TULP4: variants seen among roughly 807,000 people sequenced by gnomAD.
The protein encoded by TULP4 is TUB like protein 4.
In TULP4, 16 loss-of-function variants were observed where a neutral mutation model predicts 129.0. The observed-to-expected ratio is 0.12, with a 90% CI of 0.08 to 0.19. TULP4 has a LOEUF of 0.19. Ranked by LOEUF, TULP4 falls within the 10% of genes least tolerant of loss-of-function variation. TULP4 has a pLI of 1.00. For missense variants in TULP4, 1,842 were observed against 2,059.1 expected (o/e 0.89, Z 2.04); for synonymous variants, 998 against 854.0 (o/e 1.17, Z -2.94).
intron 1 of TULP4, among the ~76,000 whole-genome samples, chr6:158,316,781 C>G (rs535172720): frequency 6.6e-6 from 1 of 152,184 alleles, no homozygotes; most frequent in Admixed American, 6.5e-5. Context: ...CTGCTAGCTC[C>G]TCTGAGGCTC....
chr6:158,271,227 A>C (rs9355614), intron 1 of TULP4, among the ~76,000 whole-genome samples: 49,623 of 150,112 alleles, frequency 0.33, 9,115 homozygotes, highest in East Asian at 0.45. Flanking sequence ...TGCTCTGTTG[A>C]GTTTTGTTTC....
chr6:158,420,732 C>T (rs932328665), intron 2 of TULP4, among the ~76,000 whole-genome samples: 1 of 152,096 alleles, frequency 6.6e-6, no homozygotes, highest in Non-Finnish European at 1.5e-5. Context: ...GATCCACCTT[C>T]CACATCCTCC....
At chr6:158,279,928 G>A (rs1224360376), upstream of TULP4, among the ~76,000 whole-genome samples, 1 of 152,222 alleles carries the variant, frequency 6.6e-6, no homozygotes, top group African/African-American at 2.4e-5. Context: ...CAGTTGTGAA[G>A]TGAGGTGATG....
Position 158,493,155 on chromosome 6 carries a change from A to ATGGATCGC in TULP4, c.1632-411_1632-404dup, listed in dbSNP as rs1173867107. On this transcript the variant is annotated intron_variant, in intron 9 of 13. Transcript: ENST00000367097. The surrounding 1 kb of genome is among the most constrained non-coding windows in gnomAD (Gnocchi z 4.4). ...AGTTAATTCTTTGAGTTCCTTACAA[A>ATGGATCGC]TGGATCGCTGGATCTCATTTCAGTG... Among the ~76,000 whole-genome samples, 2 of 152,160 alleles carry ATGGATCGC rather than the reference A, an allele frequency of 1.3e-5. No individual in the cohort carries two copies. Among genetic ancestry groups the ATGGATCGC allele is most frequent in the African/African-American group, 4.8e-5 (2 of 41,444 alleles).
At chr6:158,327,938 G>T (rs1779782096) in intron 1 of TULP4, among the ~76,000 whole-genome samples, 1 of 152,130 alleles carries the variant, frequency 6.6e-6, no homozygotes, top group African/African-American at 2.4e-5. Flanking sequence ...ATAATGACCT[G>T]GGGGAGAACC....
At chr6:158,468,102 G>A (rs147915621) in intron 6 of TULP4, among the ~76,000 whole-genome samples, 176 of 152,296 alleles carry the variant, frequency 1.2e-3, no homozygotes, top group African/African-American at 4.0e-3. Flanking sequence ...GCTGAGTCGT[G>A]TAAACAGTTG....
chr6:158,493,974 G>A lies in TULP4; in HGVS notation c.1776+257G>A, dbSNP rs1022412142. 1.2e-4 allele frequency among the ~76,000 whole-genome samples: 18 copies of A among 151,996 alleles called. No individual in the cohort carries two copies. The highest frequency in any genetic ancestry group is 3.9e-4 in the African/African-American group (16 of 41,394). On this transcript the variant is annotated intron_variant, in intron 10 of 13. Coordinates refer to ENST00000367097, the MANE Select transcript of TULP4 (RefSeq NM_020245.5). The surrounding 1 kb of genome is among the most constrained non-coding windows in gnomAD (Gnocchi z 4.4). ...CCCACTTCCCATCACAGCTCCCACC[G>A]TCCAGCCCTGCCTGCCTTTCCCTCC...
intron 1 of TULP4, among the ~76,000 whole-genome samples, chr6:158,369,941 A>G (rs766059954): frequency 3.0e-4 from 46 of 152,160 alleles, no homozygotes; most frequent in Admixed American, 1.2e-3. Flanking sequence ...TAATTCCAGC[A>G]CTTCAGGAGG....
chr6:158,386,889 G>A (rs1293077623), intron 1 of TULP4, among the ~76,000 whole-genome samples: 2 of 152,194 alleles, frequency 1.3e-5, no homozygotes, highest in African/African-American at 2.4e-5. Context: ...CTAGTACACA[G>A]TGTTAGCTGT....
chr6:158,452,178 C>G lies in TULP4; in HGVS notation c.769C>G (p.Leu257Val). 2.5e-6 allele frequency: 4 copies of G among 1,614,248 alleles called. 1 individual carries two copies. The South Asian group carries it at 4.4e-5, about 18-fold the overall frequency. The change falls in exon 5 of 14, where the codon CTG (leucine) becomes GTG (valine). Residue 257 changes from leucine to valine, a missense_variant. Transcript: ENST00000367097. The part of the protein sequence containing the change: ...YPIPVQNIKP[L>V]LTVSFTSGDI... ...CATCCCAGTGCAGAACATCAAGCCT[C>G]TGCTCACCGTCAGCTTCACCTCGGG...
intron 1 of TULP4, among the ~76,000 whole-genome samples, chr6:158,259,072 A>G (rs1273343551): frequency 2.6e-5 from 4 of 152,146 alleles, no homozygotes; most frequent in African/African-American, 9.7e-5. Context: ...TCTACTGAAA[A>G]TACAAAAATT....
intron 3 of TULP4, among the ~76,000 whole-genome samples, chr6:158,441,409 A>G (rs574238404): frequency 6.6e-6 from 1 of 152,324 alleles, no homozygotes; most frequent in South Asian, 2.1e-4. Flanking sequence ...TTTTTTGTTA[A>G]TGCAACGTTA....
At chr6:158,340,259 A>C (rs1444776865) in intron 1 of TULP4, among the ~76,000 whole-genome samples, 1 of 152,250 alleles carries the variant, frequency 6.6e-6, no homozygotes, top group African/African-American at 2.4e-5. Flanking sequence ...CATTAAAATG[A>C]ACCTGAAATA....
chr6:158,233,813 T>C (rs113732588), intron 1 of TULP4, among the ~76,000 whole-genome samples: 1,623 of 152,328 alleles, frequency 0.011, 35 homozygotes, highest in African/African-American at 0.037. Context: ...GTTTAAAGAA[T>C]AGTACTTAAT....
chr6:158,460,046 T>C (rs1779389240), intron 5 of TULP4, among the ~76,000 whole-genome samples: 1 of 152,222 alleles, frequency 6.6e-6, no homozygotes. Flanking sequence ...CAGGTTTTTT[T>C]CCATTTTCTA....
intron 1 of TULP4, among the ~76,000 whole-genome samples, chr6:158,383,224 G>C (rs1180678110): frequency 6.6e-6 from 1 of 152,162 alleles, no homozygotes. Context: ...TCTCACTACT[G>C]TATGCCTCCC....
chr6:158,443,842 CTGTT>C (rs2062872526), intron 3 of TULP4, among the ~76,000 whole-genome samples: 1 of 152,152 alleles, frequency 6.6e-6, no homozygotes, highest in South Asian at 2.1e-4. Context: ...ATTTCAGTGA[CTGTT>C]TATTTAGTTG....
chr6:158,356,595 G>T (rs911073631), intron 1 of TULP4, among the ~76,000 whole-genome samples: 5 of 152,258 alleles, frequency 3.3e-5, no homozygotes, highest in African/African-American at 1.2e-4. Flanking sequence ...CAGTTAGGTG[G>T]TTGGGGCTTA....
intron 5 of TULP4, among the ~76,000 whole-genome samples, chr6:158,456,330 A>G (rs1001217681): frequency 6.6e-6 from 1 of 152,226 alleles, no homozygotes; most frequent in Non-Finnish European, 1.5e-5. Flanking sequence ...TGTGGGCCAC[A>G]TGCAGCCCAG....
Sources: allele counts gnomAD v4.1 joint callset (sites outside exome capture counted in the v4.1 genomes callset), GRCh38; gene constraint gnomAD v4.1.1; non-coding constraint Gnocchi (gnomAD v3.1); transcripts MANE v1.5; gene names NCBI Gene and HGNC (gene_info 2026-07-23, HGNC 2026-07-21).